The following CCDC3 variants were observed in gnomAD, a reference collection of about 807,000 sequenced individuals.
CCDC3 encodes coiled-coil domain containing 3, also known as coiled-coil domain-containing protein 3.
Under a neutral mutation model 21.4 loss-of-function variants are expected in CCDC3, and 24 were observed. That is an observed-to-expected ratio of 1.12 (90% CI 0.81 to 1.58). The LOEUF is 1.58. Among genes scored for constraint, CCDC3 ranks in the 40% most tolerant of loss-of-function variants. The probability of loss-of-function intolerance (pLI) is 0.00; values close to 1 mark genes in which losing one functional copy is unlikely to be tolerated. For synonymous variants in CCDC3, 186 were observed against 166.0 expected, an observed-to-expected ratio of 1.12 and a Z score of -0.93; for missense variants, 425 against 360.9, an observed-to-expected ratio of 1.18 and a Z score of -1.44.
intron 2 of CCDC3, among the ~76,000 whole-genome samples, chr10:12,948,136 T>G (rs1834946432): frequency 6.6e-6 from 1 of 152,138 alleles, no homozygotes. Context: ...TCTCATTATA[T>G]AAGTCCCACG....
At chr10:12,914,997 C>T (rs112240880) in intron 2 of CCDC3, among the ~76,000 whole-genome samples, 2 of 152,230 alleles carry the variant, frequency 1.3e-5, no homozygotes, top group African/African-American at 4.8e-5. Context: ...CTTAGAACTG[C>T]TTTTGCTGCA....
In CCDC3 at chr10:12,901,479, T is replaced by C. The variant is rs544426066; in HGVS notation, c.550-2800A>G. On this transcript the variant is annotated intron_variant, in intron 2 of 2. Transcript: ENST00000378825. ...TTGTAGAGATGGGGTTTCACCATAT[T>C]GGCCAGGATGGTCTCGATTTCCTGA... is the stretch of plus-strand genomic sequence containing the variant. Among the ~76,000 whole-genome samples the C allele has an allele frequency of 2.2e-4, 34 of 152,256 alleles. No individual in the cohort carries two copies. In the East Asian group the frequency reaches 6.4e-3, roughly 29 times the overall value.
chr10:12,944,857 C>T (rs1360077128), intron 2 of CCDC3, among the ~76,000 whole-genome samples: 4 of 152,124 alleles, frequency 2.6e-5, no homozygotes, highest in Non-Finnish European at 5.9e-5. Flanking sequence ...TTGTTAAGAA[C>T]AATGAATTAG....
intron 2 of CCDC3, among the ~76,000 whole-genome samples, chr10:12,996,871 T>A (rs1835769419): frequency 6.6e-6 from 1 of 152,016 alleles, no homozygotes; most frequent in South Asian, 2.1e-4. Flanking sequence ...TAATGGGAGC[T>A]AAACATTGAG....
At chr10:12,979,560 G>A (rs187321010) in intron 2 of CCDC3, among the ~76,000 whole-genome samples, 1 of 152,050 alleles carries the variant, frequency 6.6e-6, no homozygotes, top group East Asian at 1.9e-4. Flanking sequence ...TTTTAGTAGA[G>A]ACAGGGTCTT....
intron 2 of CCDC3, among the ~76,000 whole-genome samples, chr10:12,980,731 G>A (rs550908730): frequency 9.9e-5 from 15 of 152,190 alleles, no homozygotes; most frequent in Admixed American, 2.6e-4. Context: ...CTATGAGCCT[G>A]TCATTCTTCT....
chr10:13,039,214 G>C (rs1177548212), intron 5 of CCDC3, among the ~76,000 whole-genome samples: 1 of 152,022 alleles, frequency 6.6e-6, no homozygotes, highest in African/African-American at 2.4e-5. Flanking sequence ...TCAGGGGTTC[G>C]AGACCAGCCT....
intron 2 of CCDC3, among the ~76,000 whole-genome samples, chr10:12,914,952 T>C (rs1413359918): frequency 2.0e-5 from 3 of 152,342 alleles, no homozygotes; most frequent in Non-Finnish European, 4.4e-5. Flanking sequence ...GCAAGTTCTT[T>C]TTTGATGCAG....
intron 5 of CCDC3, among the ~76,000 whole-genome samples, chr10:13,037,981 G>T (rs1019875941): frequency 2.0e-5 from 3 of 152,042 alleles, no homozygotes; most frequent in Non-Finnish European, 2.9e-5. Flanking sequence ...CCCCAGCCAG[G>T]TCTCCAACAG....
chr10:12,971,190 A>C (rs1455254681), intron 2 of CCDC3, among the ~76,000 whole-genome samples: 2 of 152,128 alleles, frequency 1.3e-5, no homozygotes, highest in Admixed American at 6.5e-5. Context: ...TACACCATGG[A>C]GTGTAACCCT....
rs144959237 is a variant in CCDC3 at position 13,023,369 on chromosome 10, A to G, written c.-1-24857T>C. On this transcript the variant is annotated intron_variant, in intron 5 of 6. Transcript: ENST00000378839. ...GAAGGTCCAAAATGGCTTTATTCAC[A>G]TGGCTGAAAGTTGGTGCTGGCCATT... 4.9e-3 allele frequency among the ~76,000 whole-genome samples: 744 copies of G among 152,264 alleles called. 3 individuals are homozygous for G. The highest frequency in any genetic ancestry group is 0.017 in the African/African-American group (699 of 41,548).
At chr10:13,048,477 C>T (rs1353054273) in intron 5 of CCDC3, among the ~76,000 whole-genome samples, 1 of 152,152 alleles carries the variant, frequency 6.6e-6, no homozygotes, top group African/African-American at 2.4e-5. Context: ...CAGGTGTGAG[C>T]CACTGCACCT....
At chr10:12,967,457 AG>A (rs1364793176) in intron 2 of CCDC3, among the ~76,000 whole-genome samples, 3 of 152,224 alleles carry the variant, frequency 2.0e-5, no homozygotes, top group Non-Finnish European at 4.4e-5. Context: ...AATCAACATT[AG>A]AAATTTAATA....
intron 4 of CCDC3, among the ~76,000 whole-genome samples, chr10:13,051,616 G>A (rs181165335): frequency 3.9e-5 from 6 of 152,192 alleles, no homozygotes; most frequent in African/African-American, 1.4e-4. Flanking sequence ...GTGGGACACT[G>A]GTATATTAAG....
chr10:12,903,139 AG>A (rs778210499), intron 2 of CCDC3, among the ~76,000 whole-genome samples: 3 of 152,224 alleles, frequency 2.0e-5, no homozygotes. Context: ...ACTGCTTAGC[AG>A]GCAGGTCTGT....
At chr10:13,017,665 A>T (rs2131402937) in intron 5 of CCDC3, among the ~76,000 whole-genome samples, 1 of 152,206 alleles carries the variant, frequency 6.6e-6, no homozygotes, top group East Asian at 1.9e-4. Context: ...ATTTGACAAT[A>T]TTCATCATTC....
chr10:12,933,501 G>T (rs181184583), intron 2 of CCDC3, among the ~76,000 whole-genome samples: 265 of 146,414 alleles, frequency 1.8e-3, no homozygotes, highest in African/African-American at 6.6e-3. Flanking sequence ...GTTGCCCAGA[G>T]CGACCCAGTG....
At chr10:12,942,581 C>T (rs771880785) in intron 2 of CCDC3, among the ~76,000 whole-genome samples, 1 of 152,170 alleles carries the variant, frequency 6.6e-6, no homozygotes, top group Non-Finnish European at 1.5e-5. Flanking sequence ...TCTTTGTCAA[C>T]CACATGTACA....
intron 2 of CCDC3, among the ~76,000 whole-genome samples, chr10:12,922,593 A>G (rs1274442913): frequency 6.6e-6 from 1 of 152,084 alleles, no homozygotes; most frequent in Non-Finnish European, 1.5e-5. Flanking sequence ...TCTAGAAGAC[A>G]ACCTCCCCAC....
Sources: gnomAD v4.1 joint callset for allele counts (sites outside exome capture counted in the v4.1 genomes callset) on GRCh38, gnomAD v4.1.1 for gene constraint, MANE v1.5 for transcripts, NCBI Gene and HGNC (gene_info 2026-07-23, HGNC 2026-07-21) for gene names.